Variants in DDX1 observed in about 807,000 individuals in gnomAD.
DDX1 encodes the protein DEAD-box helicase 1.
In DDX1, 28 loss-of-function variants were observed where a neutral mutation model predicts 108.7. The ratio of observed to expected loss-of-function variants is 0.26; its 90% CI spans 0.19 to 0.35. DDX1 has a LOEUF of 0.35. Ranked by LOEUF, DDX1 falls within the 10% of genes least tolerant of loss-of-function variation. The pLI, the probability that DDX1 is intolerant of heterozygous loss-of-function variation, is 1.00. For synonymous variants in DDX1, 295 were observed against 288.9 expected (o/e 1.02, Z -0.21); for missense variants, 710 against 884.5 (o/e 0.80, Z 2.50).
chr2:15,623,484 G>A lies in DDX1; in HGVS notation c.1496G>A (p.Arg499Gln), dbSNP rs1166773972. The change falls in exon 19 of 26, where the codon CGG (arginine) becomes CAG (glutamine). Residue 499 changes from arginine (R) to glutamine (Q), a missense_variant. Coordinates refer to ENST00000233084, the MANE Select transcript of DDX1 (RefSeq NM_004939.3). Reference protein sequence around the residue: ...IKILKGEYAVRAIKEHKMDQA... With the variant: ...IKILKGEYAVQAIKEHKMDQA... Reference sequence around the variant, plus strand: ...ATCCTGAAAGGGGAGTATGCTGTCCGGGCAATCAAGGAACATAAGATGGAT... The same window carrying A: ...ATCCTGAAAGGGGAGTATGCTGTCCAGGCAATCAAGGAACATAAGATGGAT... 10 of 1,613,502 alleles carry A rather than the reference G, an allele frequency of 6.2e-6. No individual in the cohort carries two copies. The highest frequency in any genetic ancestry group is 2.2e-5 in the East Asian group (1 of 44,788).
chr2:15,611,594 G>T (rs865862436), intron 13 of DDX1, among the ~76,000 whole-genome samples: 1 of 116,942 alleles, frequency 8.6e-6, no homozygotes, highest in Non-Finnish European at 1.7e-5. Context: ...CGGACGGGGC[G>T]GCTGGCCGGG....
At chr2:15,596,207 C>A (rs1665495352) in intron 3 of DDX1, among the ~76,000 whole-genome samples, 1 of 152,016 alleles carries the variant, frequency 6.6e-6, no homozygotes, top group Admixed American at 6.6e-5. Flanking sequence ...AAGAGAAATG[C>A]TTTTTAGGTA....
At position 15,603,241 on chromosome 2, in the gene DDX1, C is replaced by A. The variant is rs745537483; in HGVS notation, c.441C>A (p.Val147=). The change falls in exon 8 of 26, where the codon GTC becomes GTA. Residue 147 remains valine, a synonymous_variant. Transcript: ENST00000233084. ...VSCHDQGLCR[V]GWSTMQASLD... ...GTCATGACCAAGGGTTATGCAGGGT[C>A]GGGTGGTCTACCATGCAGGCCTCTT... 6.2e-7 allele frequency: 1 copy of A among 1,613,442 alleles called. No homozygotes were observed. The highest frequency in any genetic ancestry group is 8.5e-7 in the Non-Finnish European group (1 of 1,179,630).
intron 14 of DDX1, among the ~76,000 whole-genome samples, chr2:15,616,291 A>G (rs1185601015): frequency 2.0e-5 from 3 of 152,202 alleles, no homozygotes; most frequent in African/African-American, 7.2e-5. Context: ...AAAACATAAC[A>G]TGTTCTTACT....
At chr2:15,601,456 C>T (rs1034098866) in intron 6 of DDX1, among the ~76,000 whole-genome samples, 6 of 152,194 alleles carry the variant, frequency 3.9e-5, no homozygotes, top group African/African-American at 1.4e-4. Context: ...AATCAGGGTT[C>T]CTACAATTCC....
At chr2:15,624,282 TAA>T (rs1666061903) in intron 19 of DDX1, among the ~76,000 whole-genome samples, 1 of 152,124 alleles carries the variant, frequency 6.6e-6, no homozygotes, top group Non-Finnish European at 1.5e-5. Flanking sequence ...TTACTAGAAA[TAA>T]AGAGTCACTA....
At chr2:15,615,232 GTAT>G (rs1665873271) in intron 14 of DDX1, among the ~76,000 whole-genome samples, 1 of 152,150 alleles carries the variant, frequency 6.6e-6, no homozygotes, top group Admixed American at 6.5e-5. Context: ...TAGTCTTACG[GTAT>G]TATGCAACAT....
chr2:15,623,516 A>G lies in DDX1; in HGVS notation c.1528A>G (p.Ile510Val), dbSNP rs149350581. 46 of 1,613,410 alleles carry G rather than the reference A, an allele frequency of 2.9e-5. 1 individual carries two copies. Among genetic ancestry groups the G allele is most frequent in the Admixed American group, 6.7e-5 (4 of 59,990 alleles). The change falls in exon 19 of 26, where the codon ATT becomes GTT. Residue 510 changes from isoleucine to valine, a missense_variant. Physicochemically the swap from Ile to Val is conservative, Grantham distance 29. This residue lies in a region of DDX1 where 661 missense variants were observed against 810.2 expected (regional missense o/e 0.82). Transcript: ENST00000233084. ...CAAGGAACATAAGATGGATCAAGCAATTATCTTCTGTAGAACCAAAATTGA... is the reference window on the plus strand; with the variant it reads ...CAAGGAACATAAGATGGATCAAGCAGTTATCTTCTGTAGAACCAAAATTGA... ...AIKEHKMDQAIIFCRTKIDCD... is the reference protein window; with the variant it reads ...AIKEHKMDQAVIFCRTKIDCD...
chr2:15,614,260 C>T (rs541833527), intron 14 of DDX1, among the ~76,000 whole-genome samples: 21 of 152,296 alleles, frequency 1.4e-4, no homozygotes, highest in African/African-American at 3.6e-4. Context: ...TAAAGCTAAA[C>T]CATCCGATAT....
chr2:15,592,930 G>C (rs2148735339), intron 1 of DDX1, among the ~76,000 whole-genome samples: 1 of 132,622 alleles, frequency 7.5e-6, no homozygotes, highest in East Asian at 2.6e-4. Context: ...GGGAGAATGG[G>C]GGGGTGGGGG....
chr2:15,621,649 C>CTT (rs199554758), intron 18 of DDX1, among the ~76,000 whole-genome samples: 11 of 146,218 alleles, frequency 7.5e-5, no homozygotes, highest in Non-Finnish European at 1.4e-4. Context: ...ATCTAAATCA[C>CTT]TTTTTTTTTT....
At chr2:15,625,227 CTATT>C (rs75912832) in intron 19 of DDX1, among the ~76,000 whole-genome samples, 21,272 of 151,978 alleles carry the variant, frequency 0.14, 1,880 homozygotes, top group East Asian at 0.37. Context: ...CTGTATCAAT[CTATT>C]TATATGACAT....
At chr2:15,592,226 C>A (rs541194379) in intron 1 of DDX1, among the ~76,000 whole-genome samples, 1 of 152,360 alleles carries the variant, frequency 6.6e-6, no homozygotes, top group South Asian at 2.1e-4. Flanking sequence ...AGTGCACCTT[C>A]GGCTGCAAAA....
chr2:15,623,081 A>C (rs1422674357), intron 18 of DDX1, among the ~76,000 whole-genome samples: 1 of 152,204 alleles, frequency 6.6e-6, no homozygotes, highest in Non-Finnish European at 1.5e-5. Flanking sequence ...AGTTCATGCA[A>C]GGCAGAATAT....
rs1241237908 is a variant in DDX1 at position 15,627,054 on chromosome 2, G to C, written c.1595G>C (p.Gly532Ala). The C allele has an allele frequency of 6.2e-7, 1 of 1,603,048 alleles. No homozygotes were observed. The highest frequency in any genetic ancestry group is 8.5e-7 in the Non-Finnish European group (1 of 1,173,210). The change falls in exon 20 of 26, where the codon GGA (glycine) becomes GCA (alanine). Residue 532 changes from glycine to alanine, a missense_variant and splice_region_variant. This residue lies in a region of DDX1 where 661 missense variants were observed against 810.2 expected (regional missense o/e 0.82). Transcript: ENST00000233084. ...AAATGCTTAATGTGCTTTTCACTAG[G>C]ACCTGATAAAAAAGGACACCAGTTC... ...LEQYFIQQGG[G>A]PDKKGHQFSC...
intron 13 of DDX1, among the ~76,000 whole-genome samples, chr2:15,611,861 G>T (rs1348765804): frequency 9.7e-6 from 1 of 102,706 alleles, no homozygotes; most frequent in African/African-American, 5.0e-5. Flanking sequence ...AGTAGGGGCG[G>T]CTGGGCAGAG....
At chr2:15,620,783 T>C (rs1665991538) in intron 17 of DDX1, among the ~76,000 whole-genome samples, 1 of 152,148 alleles carries the variant, frequency 6.6e-6, no homozygotes, top group African/African-American at 2.4e-5. Flanking sequence ...TGTGATTAGA[T>C]TTGCCTTTAT....
rs754344331 is a variant in DDX1, at chr2:15,629,717, TCA to T, written c.1971+23_1971+24del. ...ATGCAGGTAAGACTTCGAGTTAGGCTCACAAATAATGTATTAAAATGGTAGAA... is the reference window on the plus strand; with the variant it reads ...ATGCAGGTAAGACTTCGAGTTAGGCTCAAATAATGTATTAAAATGGTAGAA... On this transcript the variant is annotated intron_variant, in intron 24 of 25. Coordinates refer to ENST00000233084, the MANE Select transcript of DDX1 (RefSeq NM_004939.3). The T allele has an allele frequency of 6.7e-6, 10 of 1,493,966 alleles. No homozygotes were observed. Among genetic ancestry groups the T allele is most frequent in the Non-Finnish European group, 9.0e-6 (10 of 1,109,454 alleles). The allele number at this position is 1,493,966 out of a possible 1,614,324, so 92.5% of individuals were successfully genotyped here. A position where few individuals can be genotyped will look rare whatever the true frequency, so the allele number is the denominator to read the frequency against.
In DDX1 at chr2:15,621,078, A is replaced by G; in HGVS notation, c.1409A>G (p.His470Arg). The G allele has an allele frequency of 6.2e-7, 1 of 1,609,332 alleles. No homozygotes were observed. Among genetic ancestry groups the G allele is most frequent in the Non-Finnish European group, 8.5e-7 (1 of 1,176,514 alleles). ...GKSHIRTDDVHAKDNTRPGAN... is the reference protein window; with the variant it reads ...GKSHIRTDDVRAKDNTRPGAN... The stretch of plus-strand genomic sequence containing the variant: ...TGCTTTTGATAGACTGATGATGTAC[A>G]TGCAAAAGATAACACAAGACCTGGT... The change falls in exon 18 of 26, where the codon CAT becomes CGT. Residue 470 changes from histidine to arginine, a missense_variant. His to Arg is a conservative substitution (Grantham distance 29). Around this residue, in one of 3 missense-constraint regions of DDX1, gnomAD observed 661 missense variants for 810.2 expected, o/e 0.82. Transcript: ENST00000233084.
Sources: allele counts gnomAD v4.1 joint callset (sites outside exome capture counted in the v4.1 genomes callset), GRCh38; gene constraint gnomAD v4.1.1; regional missense constraint gnomAD v4.1.1; transcripts MANE v1.5; gene names NCBI Gene and HGNC (gene_info 2026-07-23, HGNC 2026-07-21).